VDR: variants seen among roughly 807,000 people sequenced by gnomAD.
VDR encodes the protein vitamin D receptor, also known as vitamin D3 receptor.
VDR carries 19 observed loss-of-function variants against 39.7 expected under a neutral mutation model. The observed-to-expected ratio is 0.48, with a 90% CI of 0.33 to 0.70. VDR has a LOEUF of 0.70. Ranked by LOEUF, VDR falls within the 30% of genes least tolerant of loss-of-function variation. The pLI is 0.02. For missense variants in VDR, 442 were observed against 570.5 expected (o/e 0.77, Z 2.29); for synonymous variants, 242 against 215.8 (o/e 1.12, Z -1.07).
intron 3 of VDR, among the ~76,000 whole-genome samples, chr12:47,869,535 C>CAA (rs33940574): frequency 0.04 from 2,709 of 68,464 alleles, 163 homozygotes; most frequent in Non-Finnish European, 0.057. Context: ...GACTCCATCT[C>CAA]AAAAAAAAAA....
chr12:47,902,490 G>A (rs1333005660), intron 1 of VDR, among the ~76,000 whole-genome samples: 1 of 152,226 alleles, frequency 6.6e-6, no homozygotes, highest in African/African-American at 2.4e-5. Context: ...CTATCCCTCA[G>A]AGGGCCTGGA....
intron 6 of VDR, among the ~76,000 whole-genome samples, chr12:47,856,088 G>A (rs1214400687): frequency 6.6e-6 from 1 of 152,212 alleles, no homozygotes; most frequent in East Asian, 1.9e-4. Flanking sequence ...AAAGAATTTG[G>A]GACCCATCAA....
chr12:47,899,510 C>T (rs150809707), intron 1 of VDR, among the ~76,000 whole-genome samples: 162 of 152,366 alleles, frequency 1.1e-3, no homozygotes, highest in East Asian at 6.7e-3. Context: ...AAAGCGACCT[C>T]GCCAAGATTT....
intron 1 of VDR, chr12:47,904,505 C>T: frequency 2.1e-6 from 2 of 958,462 alleles, no homozygotes; most frequent in Non-Finnish European, 2.9e-6. Context: ...AAAGACCCAA[C>T]TCCACCATCA....
At chr12:47,871,304 TTCTTTCTTTCTTTCTTTC>T (rs1945861196) in intron 3 of VDR, among the ~76,000 whole-genome samples, 1 of 123,494 alleles carries the variant, frequency 8.1e-6, no homozygotes, top group South Asian at 2.9e-4. Flanking sequence ...CTTTCTTTCT[TTCTTTCTTTCTTTCTTTC>T]TTTCTTTCTT....
intron 1 of VDR, among the ~76,000 whole-genome samples, chr12:47,887,640 A>T (rs566475016): frequency 6.6e-6 from 1 of 152,358 alleles, no homozygotes; most frequent in African/African-American, 2.4e-5. Flanking sequence ...TGTGGCCTGC[A>T]CCTGGAGAGA....
chr12:47,882,636 A>ACCCCCCCCCC, intron 2 of VDR, 58 bp downstream of exon 2: 3 of 266,080 alleles, frequency 1.1e-5, no homozygotes, highest in South Asian at 2.5e-5. Flanking sequence ...CCTCCCCCCC[A>ACCCCCCCCCC]CCCCGCCCCT....
rs530378446 is a variant in VDR, at chr12:47,842,111, G to C, written c.*2635C>G. Reference sequence around the variant, plus strand: ...TTCCCCGAAGAAGGCAGGGCCAGAGGGAGAGCTGGGAAGGTGGTGACATTA... The same window carrying C: ...TTCCCCGAAGAAGGCAGGGCCAGAGCGAGAGCTGGGAAGGTGGTGACATTA... On this transcript the variant is annotated 3_prime_UTR_variant, in exon 10 of 10. Transcript: ENST00000549336. 1 of 152,674 alleles carries C rather than the reference G, an allele frequency of 6.5e-6. No homozygotes were observed. Among genetic ancestry groups the C allele is most frequent in the South Asian group, 2.1e-4 (1 of 4,828 alleles). The allele number at this position is 152,674 out of a possible 1,614,324, so 9.5% of individuals were successfully genotyped here. A position where few individuals can be genotyped will look rare whatever the true frequency, so the allele number is the denominator to read the frequency against.
At chr12:47,877,850 G>C (rs1946039716) in intron 3 of VDR, among the ~76,000 whole-genome samples, 1 of 152,244 alleles carries the variant, frequency 6.6e-6, no homozygotes, top group Non-Finnish European at 1.5e-5. Flanking sequence ...CGGGCAGCCA[G>C]TGCCAGGCCA....
rs1291250734 is a variant in VDR, at chr12:47,878,844, G to A, written c.146+124C>T. Reference sequence around the variant, plus strand: ...GACCCTCCTGCTCCTGTGGCTGTGAGCGCCGCATGTTCCATGGACATTGTA... The same window carrying A: ...GACCCTCCTGCTCCTGTGGCTGTGAACGCCGCATGTTCCATGGACATTGTA... On this transcript the variant is annotated intron_variant, in intron 3 of 9. Coordinates refer to ENST00000549336, the MANE Select transcript of VDR (RefSeq NM_000376.3). 4.7e-6 allele frequency: 7 copies of A among 1,490,830 alleles called. No homozygotes were observed. In the South Asian group the frequency reaches 4.7e-5, roughly 10 times the overall value. The allele number at this position is 1,490,830 out of a possible 1,614,324, so 92.4% of individuals were successfully genotyped here. A position where few individuals can be genotyped will look rare whatever the true frequency, so the allele number is the denominator to read the frequency against.
At chr12:47,876,972 A>C (rs1946020712) in intron 3 of VDR, among the ~76,000 whole-genome samples, 1 of 152,162 alleles carries the variant, frequency 6.6e-6, no homozygotes, top group Non-Finnish European at 1.5e-5. Context: ...AGACTCCATA[A>C]CCAAATGCTT....
chr12:47,853,256 C>T (rs1945421351), intron 7 of VDR, among the ~76,000 whole-genome samples: 1 of 150,646 alleles, frequency 6.6e-6, no homozygotes, highest in Admixed American at 6.6e-5. Context: ...TCCTGGCTAA[C>T]ACGGTGAAAC....
At chr12:47,871,359 C>T (rs7295229) in intron 3 of VDR, among the ~76,000 whole-genome samples, 12 of 31,724 alleles carry the variant, frequency 3.8e-4, no homozygotes, top group East Asian at 2.2e-3. Flanking sequence ...TCTTTCTTTC[C>T]TTTCTCTCTC....
intron 7 of VDR, among the ~76,000 whole-genome samples, chr12:47,852,743 T>C (rs1945411198): frequency 6.6e-6 from 1 of 152,204 alleles, no homozygotes; most frequent in Non-Finnish European, 1.5e-5. Flanking sequence ...GTTCTGGGTT[T>C]AGCTCTGTGA....
At chr12:47,846,958 G>A (rs1945292835) in intron 7 of VDR, 150 bp from the exon 8 acceptor site, 3 of 898,226 alleles carry the variant, frequency 3.3e-6, no homozygotes, top group South Asian at 2.7e-5. Context: ...GGCTGGAAGG[G>A]ACAAGAGTGT....
At chr12:47,882,622 T>TTCCCCCCCCCCCCCCCCCC in intron 2 of VDR, 72 bp downstream of exon 2, 1 of 603,850 alleles carries the variant, frequency 1.7e-6, no homozygotes, top group Non-Finnish European at 3.0e-6. Context: ...CACCTTCTTA[T>TTCCCCCCCCCCCCCCCCCC]GCCCCTCCCC....
intron 3 of VDR, among the ~76,000 whole-genome samples, chr12:47,865,818 T>C (rs1433170018): frequency 6.6e-6 from 1 of 150,488 alleles, no homozygotes; most frequent in African/African-American, 2.4e-5. Flanking sequence ...GTTCACACCA[T>C]TCTCCTGCCT....
intron 3 of VDR, among the ~76,000 whole-genome samples, chr12:47,871,315 T>TTTCTTTCTTTCTTTCC: frequency 1.4e-5 from 2 of 139,380 alleles, no homozygotes; most frequent in Non-Finnish European, 3.1e-5. Context: ...TCTTTCTTTC[T>TTTCTTTCTTTCTTTCC]TTCTTTCTTT....
At chr12:47,859,715 GCA>G (rs928844540) in intron 4 of VDR, among the ~76,000 whole-genome samples, 19 of 152,284 alleles carry the variant, frequency 1.2e-4, no homozygotes, top group African/African-American at 4.1e-4. Context: ...CTCATGGTTA[GCA>G]CAGTTTTCAA....
Sources: gnomAD v4.1 joint callset for allele counts (sites outside exome capture counted in the v4.1 genomes callset) on GRCh38, gnomAD v4.1.1 for gene constraint, MANE v1.5 for transcripts, NCBI Gene and HGNC (gene_info 2026-07-23, HGNC 2026-07-21) for gene names.